Variants in CNTNAP2 observed in about 807,000 individuals in gnomAD.
CNTNAP2 encodes the protein contactin-associated protein-like 2.
CNTNAP2 carries 98 observed loss-of-function variants against 155.2 expected under a neutral mutation model. The observed-to-expected ratio is 0.63, with a 90% confidence interval of 0.54 to 0.75. The LOEUF (loss-of-function observed/expected upper bound fraction) is 0.75. Among genes scored for constraint, CNTNAP2 ranks in the 30% least tolerant of loss-of-function variants. CNTNAP2 has a pLI of 0.00. For missense variants in CNTNAP2, 1,727 were observed against 1,688.1 expected, an observed-to-expected ratio of 1.02 and a Z score of -0.40; for synonymous variants, 651 against 631.2, an observed-to-expected ratio of 1.03 and a Z score of -0.47.
intron 1 of CNTNAP2, among the ~76,000 whole-genome samples, chr7:146,191,145 G>C (rs1240068242): frequency 1.3e-5 from 2 of 152,098 alleles, no homozygotes; most frequent in Non-Finnish European, 2.9e-5. Context: ...ATTCAACGTA[G>C]GTTCTTTTCT....
intron 1 of CNTNAP2, among the ~76,000 whole-genome samples, chr7:146,252,172 C>T (rs1282139776): frequency 1.3e-5 from 2 of 152,180 alleles, no homozygotes; most frequent in South Asian, 2.1e-4. Context: ...AATGTCATGG[C>T]TGCTCATATT....
rs544432953 is a variant in CNTNAP2, at chr7:146,615,651, C to T, written c.98-158620C>T. Among the ~76,000 whole-genome samples the T allele has an allele frequency of 4.7e-4, 72 of 152,272 alleles. 2 individuals carry two copies. Among genetic ancestry groups the T allele is most frequent in the African/African-American group, 1.7e-3 (71 of 41,556 alleles). ...AGGCTTTTCTGGCCAAGGTGTCTGGCTCAACTGAAGGGCAAATGGAAATGC... is the reference window on the plus strand; with the variant it reads ...AGGCTTTTCTGGCCAAGGTGTCTGGTTCAACTGAAGGGCAAATGGAAATGC... On this transcript the variant is annotated intron_variant, in intron 1 of 23. Transcript: ENST00000361727.
At chr7:148,188,603 T>C (rs1169519017) in intron 18 of CNTNAP2, among the ~76,000 whole-genome samples, 1 of 152,232 alleles carries the variant, frequency 6.6e-6, no homozygotes, top group Non-Finnish European at 1.5e-5. Context: ...GTTTCTCTTC[T>C]ACTAAGATCC....
chr7:147,399,335 G>A (rs567204609), intron 10 of CNTNAP2, among the ~76,000 whole-genome samples: 1 of 152,256 alleles, frequency 6.6e-6, no homozygotes. Flanking sequence ...AAAGGTAGAA[G>A]CAGGAGGCTA....
chr7:147,387,521 G>C (rs1256349878), intron 9 of CNTNAP2, among the ~76,000 whole-genome samples: 2 of 152,000 alleles, frequency 1.3e-5, no homozygotes, highest in African/African-American at 4.8e-5. Context: ...TGATTATAAA[G>C]GTATCTGCCT....
intron 10 of CNTNAP2, among the ~76,000 whole-genome samples, chr7:147,420,715 A>C (rs1296444596): frequency 1.3e-5 from 2 of 152,212 alleles, no homozygotes; most frequent in Non-Finnish European, 2.9e-5. Context: ...TCAGTTAGTG[A>C]TTTTATATGG....
intron 15 of CNTNAP2, among the ~76,000 whole-genome samples, chr7:148,076,422 C>CTTTTTTTTTTTTTTTTTTTTTTTTT: frequency 2.0e-5 from 1 of 49,802 alleles, no homozygotes. Context: ...GCTCTGACTT[C>CTTTTTTTTTTTTTTTTTTTTTTTTT]TTTTTTTTTT....
At chr7:147,794,591 A>T (rs1357731089) in intron 13 of CNTNAP2, among the ~76,000 whole-genome samples, 1 of 150,070 alleles carries the variant, frequency 6.7e-6, no homozygotes, top group African/African-American at 2.4e-5. Context: ...AGATTTCAGT[A>T]TGATTTTTTT....
chr7:147,078,554 T>G (rs1246152992), intron 4 of CNTNAP2, among the ~76,000 whole-genome samples: 2 of 152,114 alleles, frequency 1.3e-5, no homozygotes, highest in Non-Finnish European at 2.9e-5. Context: ...TGGTATTCTT[T>G]ATCTCTTAAC....
At chr7:147,974,622 T>C (rs1368582115) in intron 14 of CNTNAP2, among the ~76,000 whole-genome samples, 1 of 152,042 alleles carries the variant, frequency 6.6e-6, no homozygotes, top group Non-Finnish European at 1.5e-5. Context: ...CAAAACTCCA[T>C]CTCAAAAAGA....
chr7:146,623,907 T>C (rs1465008691), intron 1 of CNTNAP2, among the ~76,000 whole-genome samples: 1 of 152,162 alleles, frequency 6.6e-6, no homozygotes, highest in African/African-American at 2.4e-5. Context: ...TACTTTGTGT[T>C]CTCACTGAGA....
intron 1 of CNTNAP2, among the ~76,000 whole-genome samples, chr7:146,365,687 A>G (rs1795145685): frequency 6.6e-6 from 1 of 152,224 alleles, no homozygotes. Context: ...GAAAAATGTG[A>G]ACTATAATAT....
At chr7:146,897,155 C>A (rs557171130) in intron 3 of CNTNAP2, among the ~76,000 whole-genome samples, 2 of 152,206 alleles carry the variant, frequency 1.3e-5, no homozygotes, top group African/African-American at 4.8e-5. Context: ...AGAGGTGTAA[C>A]ATAATCTAGA....
chr7:147,773,175 C>T (rs117227156), intron 13 of CNTNAP2, among the ~76,000 whole-genome samples: 1,674 of 152,186 alleles, frequency 0.011, 99 homozygotes, highest in Admixed American at 0.087. Context: ...ACTGGATTGA[C>T]GGATGAACAA....
chr7:146,536,189 G>A (rs796391124), intron 1 of CNTNAP2, among the ~76,000 whole-genome samples: 45 of 152,150 alleles, frequency 3.0e-4, no homozygotes, highest in African/African-American at 1.1e-3. Flanking sequence ...ACAGCAAATT[G>A]CACTCAGAAT....
intron 11 of CNTNAP2, among the ~76,000 whole-genome samples, chr7:147,553,242 C>A: frequency 6.6e-6 from 1 of 152,016 alleles, no homozygotes; most frequent in Non-Finnish European, 1.5e-5. Flanking sequence ...AATCTAAGAT[C>A]GCAGAGACCA....
intron 1 of CNTNAP2, among the ~76,000 whole-genome samples, chr7:146,741,190 C>T (rs544279873): frequency 2.0e-5 from 3 of 152,158 alleles, no homozygotes; most frequent in African/African-American, 4.8e-5. Context: ...TGTGTCTTTT[C>T]TTATTATTGT....
chr7:147,258,867 G>A (rs986411455), intron 8 of CNTNAP2, among the ~76,000 whole-genome samples: 1 of 152,128 alleles, frequency 6.6e-6, no homozygotes, highest in East Asian at 1.9e-4. Context: ...CAACACCAAT[G>A]CATGTTCCCA....
chr7:147,931,231 A>G (rs772106443), intron 14 of CNTNAP2, among the ~76,000 whole-genome samples: 5 of 151,864 alleles, frequency 3.3e-5, no homozygotes, highest in Non-Finnish European at 7.4e-5. Context: ...AAAAACTTGA[A>G]GAAATATTTT....
Sources: gnomAD v4.1 joint callset for allele counts (sites outside exome capture counted in the v4.1 genomes callset) on GRCh38, gnomAD v4.1.1 for gene constraint, MANE v1.5 for transcripts, NCBI Gene and HGNC (gene_info 2026-07-23, HGNC 2026-07-21) for gene names.